Variants in TAF1 observed in about 807,000 individuals in gnomAD.
The protein encoded by TAF1 is transcription initiation factor TFIID subunit 1.
Under a neutral mutation model 138.5 loss-of-function variants are expected in TAF1, and 2 were observed. The observed-to-expected ratio is 0.01, with a 90% confidence interval of 0.01 to 0.05. The LOEUF (loss-of-function observed/expected upper bound fraction) is 0.05, where lower values mean the gene tolerates loss of function less well. Ranked by LOEUF, TAF1 falls within the 10% of genes least tolerant of loss-of-function variation. TAF1 has a pLI of 1.00. For missense variants in TAF1, 709 were observed against 1,478.0 expected, an observed-to-expected ratio of 0.48 and a Z score of 8.53; for synonymous variants, 437 against 503.2, an observed-to-expected ratio of 0.87 and a Z score of 1.76.
intron 32 of TAF1, among the ~76,000 whole-genome samples, chrX:71,453,053 AAG>A (rs1491552938): frequency 1.8e-5 from 2 of 110,157 alleles, no homozygotes; most frequent in Non-Finnish European, 3.8e-5. Context: ...AGACCGTGGA[AAG>A]AGAGGGAGAG....
At chrX:71,383,743 T>C (rs2034038188) in intron 12 of TAF1, among the ~76,000 whole-genome samples, 1 of 112,395 alleles carries the variant, frequency 8.9e-6, no homozygotes, top group Non-Finnish European at 1.9e-5. Flanking sequence ...GAATATTTTC[T>C]ATCTATGGTT....
chrX:71,481,203 C>T (rs752697670), intron 13 of TAF1, among the ~76,000 whole-genome samples: 6 of 111,626 alleles, frequency 5.4e-5, no homozygotes, highest in East Asian at 2.8e-4. Flanking sequence ...CACTTGAACC[C>T]GGGAGGGGGA....
In TAF1 at chrX:71,376,973, A is replaced by G. The variant is rs1569274251; in HGVS notation, c.496A>G (p.Ile166Val). The G allele has an allele frequency of 8.3e-7, 1 of 1,211,879 alleles. No individual in the cohort carries two copies. Among genetic ancestry groups the G allele is most frequent in the East Asian group, 3.0e-5 (1 of 33,845 alleles). Reference sequence around the variant, plus strand: ...AGTGTCTGAAAATGGAGAAGGCATCATCTTGCCCTCCATCATTGCCCCTTC... The same window carrying G: ...AGTGTCTGAAAATGGAGAAGGCATCGTCTTGCCCTCCATCATTGCCCCTTC... ...TGVSENGEGI[I>V]LPSIIAPSSL... is the part of the protein sequence containing the mutation. The change falls in exon 5 of 38, where the codon ATC (isoleucine) becomes GTC (valine). Residue 166 changes from isoleucine to valine, a missense_variant. Around this residue, in one of 14 missense-constraint regions of TAF1, gnomAD observed 123 missense variants for 161.6 expected, o/e 0.76. Transcript: ENST00000423759.
intron 13 of TAF1, among the ~76,000 whole-genome samples, chrX:71,488,654 C>T (rs898605362): frequency 9.0e-6 from 1 of 111,550 alleles, no homozygotes; most frequent in Non-Finnish European, 1.9e-5. Context: ...CTACCTTGGC[C>T]TCCTAGTCTT....
rs1391229816 is a variant in TAF1 at position 71,465,302 on chromosome X, G to A, written c.*1256G>A. 2 of 112,087 alleles carry A rather than the reference G, an allele frequency of 1.8e-5. No individual in the cohort carries two copies. Among genetic ancestry groups the A allele is most frequent in the African/African-American group, 6.5e-5 (2 of 30,872 alleles). The allele number at this position is 112,087 out of a possible 1,213,427, so 9.2% of individuals were successfully genotyped here. On this transcript the variant is annotated 3_prime_UTR_variant, in exon 38 of 38. Transcript: ENST00000423759. ...TGAGATAAGTGCAATTAAGAAGCTA[G>A]TTATAAAGTATAGGGGAAATAGAGG...
intron 1 of TAF1, among the ~76,000 whole-genome samples, 197 bp from the exon 2 acceptor site, chrX:71,367,302 G>T (rs2032619870): frequency 8.9e-6 from 1 of 112,564 alleles, no homozygotes; most frequent in Non-Finnish European, 1.9e-5. Context: ...TGGCTGTGGT[G>T]CTTTAATAAA....
chrX:71,408,442 G>A (rs947082344), intron 28 of TAF1, among the ~76,000 whole-genome samples: 4 of 110,079 alleles, frequency 3.6e-5, no homozygotes, highest in Admixed American at 9.7e-5. Context: ...TCAGCCTCCC[G>A]AGTAGCTGGG....
chrX:71,483,780 C>CTATATATATATATA (rs1556022684), intron 13 of TAF1, among the ~76,000 whole-genome samples: 2 of 37,572 alleles, frequency 5.3e-5, no homozygotes, highest in African/African-American at 2.5e-4. Context: ...CTCTCTCTCT[C>CTATATATATATATA]TATATATATA....
chrX:71,444,582 G>A (rs2037593283), intron 32 of TAF1, among the ~76,000 whole-genome samples: 1 of 110,281 alleles, frequency 9.1e-6, no homozygotes, highest in Non-Finnish European at 1.9e-5. Flanking sequence ...TTGTGTTTGG[G>A]TGTGCATGCC....
intron 28 of TAF1, among the ~76,000 whole-genome samples, chrX:71,413,343 A>C (rs2035893518): frequency 8.9e-6 from 1 of 111,859 alleles, no homozygotes; most frequent in Non-Finnish European, 1.9e-5. Context: ...TATCCTTATC[A>C]ACACTTGTTA....
rs1312255070 is a variant in TAF1, at chrX:71,395,131, G to T, written c.3406+886G>T. 2.7e-5 allele frequency among the ~76,000 whole-genome samples: 3 copies of T among 111,915 alleles called. No individual in the cohort carries two copies. The East Asian group carries it at 8.4e-4, about 31-fold the overall frequency. On this transcript the variant is annotated intron_variant, in intron 22 of 37. Coordinates refer to ENST00000423759, the MANE Select transcript of TAF1 (RefSeq NM_004606.5). ...AAGACCTGAATTGGGTTGGGATATG[G>T]AGGGCATTAAGGATGAAAATCAAGG...
chrX:71,526,094 A>C (rs946240562), intron 13 of TAF1, among the ~76,000 whole-genome samples: 26 of 112,009 alleles, frequency 2.3e-4, no homozygotes, highest in Middle Eastern at 4.6e-3. Flanking sequence ...TAGTGACTAC[A>C]TTAAAGAAAA....
At position 71,525,451 on chromosome X, in the gene TAF1, T is replaced by C. The variant is rs145140798; in HGVS notation, c.1367-3091T>C. Reference sequence around the variant, plus strand: ...AGATGAAAACATTTTCCTTTAAAGCTGTGTAACTGGAAACATCTTCTAAAC... The same window carrying C: ...AGATGAAAACATTTTCCTTTAAAGCCGTGTAACTGGAAACATCTTCTAAAC... On this transcript the variant is annotated intron_variant and NMD_transcript_variant, in intron 13 of 14. Coordinates refer to the TAF1 transcript ENST00000373775. Among the ~76,000 whole-genome samples, 535 of 111,872 alleles carry C rather than the reference T, an allele frequency of 4.8e-3. 1 individual carries two copies. Among genetic ancestry groups the C allele is most frequent in the Non-Finnish European group, 7.0e-3 (375 of 53,217 alleles).
At chrX:71,410,499 C>T (rs1436983703) in intron 28 of TAF1, among the ~76,000 whole-genome samples, 1 of 98,497 alleles carries the variant, frequency 1.0e-5, no homozygotes, top group Non-Finnish European at 2.0e-5. Context: ...GCTCTTTGAC[C>T]CAGGCTGGAG....
chrX:71,420,932 C>T (rs927219582), intron 28 of TAF1, among the ~76,000 whole-genome samples: 2 of 112,764 alleles, frequency 1.8e-5, no homozygotes, highest in African/African-American at 3.2e-5. Flanking sequence ...ATGGCGCCAC[C>T]GCCCTGACCC....
At chrX:71,458,433 A>G in intron 35 of TAF1, 67 bp downstream of exon 35, 1 of 1,135,451 alleles carries the variant, frequency 8.8e-7, no homozygotes, top group Non-Finnish European at 1.2e-6. Context: ...GGGAATGGTG[A>G]TGGTGATGGT....
intron 13 of TAF1, among the ~76,000 whole-genome samples, chrX:71,515,292 T>C (rs911981561): frequency 1.8e-5 from 2 of 111,143 alleles, no homozygotes; most frequent in African/African-American, 6.5e-5. Flanking sequence ...ATGTGAGGCC[T>C]GGTAGGTTTT....
chrX:71,377,340 CT>C, intron 5 of TAF1, 149 bp downstream of exon 5: 31 of 921,820 alleles, frequency 3.4e-5, no homozygotes, highest in East Asian at 6.6e-5. Flanking sequence ...TGTATTAGGT[CT>C]TTTTTTTAAA....
intron 13 of TAF1, among the ~76,000 whole-genome samples, chrX:71,523,878 C>T (rs2039947317): frequency 9.0e-6 from 1 of 111,584 alleles, no homozygotes; most frequent in South Asian, 3.7e-4. Flanking sequence ...TCTGACAATA[C>T]CTGCCATCCT....
Sources: allele counts gnomAD v4.1 joint callset (sites outside exome capture counted in the v4.1 genomes callset), GRCh38; gene constraint gnomAD v4.1.1; regional missense constraint gnomAD v4.1.1; transcripts MANE v1.5; gene names NCBI Gene and HGNC (gene_info 2026-07-23, HGNC 2026-07-21).